The following ZNF280D variants were observed in gnomAD, a reference collection of about 807,000 sequenced individuals.
ZNF280D encodes suppressor of hairy wing homolog 4.
In ZNF280D, 39 loss-of-function variants were observed where a neutral mutation model predicts 94.7. The ratio of observed to expected loss-of-function variants is 0.41; its 90% confidence interval spans 0.32 to 0.54. The LOEUF is 0.54. Ranked by LOEUF, ZNF280D falls within the 20% of genes least tolerant of loss-of-function variation. ZNF280D has a pLI of 0.22. For synonymous variants in ZNF280D, 398 were observed against 377.6 expected, an observed-to-expected ratio of 1.05 and a Z score of -0.63; for missense variants, 1,090 against 1,149.3, an observed-to-expected ratio of 0.95 and a Z score of 0.75.
rs1215912968 is a variant in ZNF280D, at chr15:56,631,443, A to G, written c.*55T>C. On this transcript the variant is annotated 3_prime_UTR_variant, in exon 22 of 22. Coordinates refer to ENST00000267807, the MANE Select transcript of ZNF280D (RefSeq NM_017661.4). Reference sequence around the variant, plus strand: ...AACAGCACCACTGAGCTCACCTGATAGCACTGTTCCAAATGCCCTTATCGT... The same window carrying G: ...AACAGCACCACTGAGCTCACCTGATGGCACTGTTCCAAATGCCCTTATCGT... 1.9e-6 allele frequency: 3 copies of G among 1,572,592 alleles called. No individual in the cohort carries two copies. The highest frequency in any genetic ancestry group is 1.3e-5 in the African/African-American group (1 of 74,144).
intron 16 of ZNF280D, among the ~76,000 whole-genome samples, chr15:56,665,344 C>A (rs1008247729): frequency 1.2e-4 from 18 of 151,920 alleles, no homozygotes; most frequent in Admixed American, 2.6e-4. Flanking sequence ...ACAACTTTTG[C>A]CTACTTAAAA....
intron 9 of ZNF280D, among the ~76,000 whole-genome samples, chr15:56,686,845 G>C (rs1344023706): frequency 6.6e-6 from 1 of 151,990 alleles, no homozygotes; most frequent in Non-Finnish European, 1.5e-5. Context: ...TAATCTTAAA[G>C]AATTTTCTAA....
intron 1 of ZNF280D, among the ~76,000 whole-genome samples, chr15:56,722,778 C>A (rs554641094): frequency 6.6e-6 from 1 of 152,028 alleles, no homozygotes; most frequent in Non-Finnish European, 1.5e-5. Flanking sequence ...CACATGCACA[C>A]GTCTGTTTAT....
At chr15:56,662,790 C>T (rs2054030423) in intron 16 of ZNF280D, among the ~76,000 whole-genome samples, 1 of 146,294 alleles carries the variant, frequency 6.8e-6, no homozygotes, top group Admixed American at 6.9e-5. Flanking sequence ...TGCCACTGCA[C>T]TCTAGCCTGG....
At chr15:56,715,643 T>TTAAA (rs1229627388) in intron 1 of ZNF280D, among the ~76,000 whole-genome samples, 1 of 152,058 alleles carries the variant, frequency 6.6e-6, no homozygotes, top group African/African-American at 2.4e-5. Flanking sequence ...AATATGTTAA[T>TTAAA]TAAATAAATA....
intron 13 of ZNF280D, among the ~76,000 whole-genome samples, chr15:56,671,550 C>T (rs1209600156): frequency 1.3e-5 from 2 of 152,090 alleles, no homozygotes; most frequent in African/African-American, 4.8e-5. Flanking sequence ...TGTTCTTGTT[C>T]CAGTACCAAG....
At chr15:56,655,812 T>G (rs1444782170) in intron 17 of ZNF280D, among the ~76,000 whole-genome samples, 1 of 152,262 alleles carries the variant, frequency 6.6e-6, no homozygotes, top group African/African-American at 2.4e-5. Context: ...TAATTTCTTA[T>G]AAGAGTTAAG....
chr15:56,637,222 A>C (rs2052396005), intron 20 of ZNF280D, among the ~76,000 whole-genome samples: 1 of 150,516 alleles, frequency 6.6e-6, no homozygotes, highest in African/African-American at 2.4e-5. Flanking sequence ...CCAAGGCTGG[A>C]ACGTAGTGGC....
At chr15:56,637,857 T>C (rs1432738493) in intron 20 of ZNF280D, among the ~76,000 whole-genome samples, 1 of 152,154 alleles carries the variant, frequency 6.6e-6, no homozygotes. Context: ...AAAAAAACTT[T>C]ATTAAATCTC....
At chr15:56,730,056 A>T (rs546880481) in intron 1 of ZNF280D, 1 of 152,096 alleles carries the variant, frequency 6.6e-6, no homozygotes, top group South Asian at 2.1e-4. Flanking sequence ...AATTATACAT[A>T]ATAACGTAAA....
intron 13 of ZNF280D, among the ~76,000 whole-genome samples, chr15:56,669,891 TATATATATATA>T (rs2054602120): frequency 3.7e-4 from 3 of 8,152 alleles, no homozygotes; most frequent in African/African-American, 1.3e-3. Flanking sequence ...ATATATATTA[TATATATATATA>T]ATATATATAT....
intron 1 of ZNF280D, among the ~76,000 whole-genome samples, chr15:56,727,411 A>G (rs1380047182): frequency 6.6e-6 from 1 of 152,214 alleles, no homozygotes; most frequent in Non-Finnish European, 1.5e-5. Flanking sequence ...GTGAGCTGAG[A>G]TCACGCCATT....
chr15:56,701,252 T>C lies in ZNF280D; in HGVS notation c.176-14A>G. Reference sequence around the variant, plus strand: ...TGTTCAAAATATCTATAAAAGATTATATTTATTTTAAAATACATTGTTTGA... The same window carrying C: ...TGTTCAAAATATCTATAAAAGATTACATTTATTTTAAAATACATTGTTTGA... On this transcript the variant is annotated splice_polypyrimidine_tract_variant and intron_variant, in intron 4 of 21. Coordinates refer to ENST00000267807, the MANE Select transcript of ZNF280D (RefSeq NM_017661.4). 2.8e-6 allele frequency: 4 copies of C among 1,443,364 alleles called. No individual in the cohort carries two copies. The highest frequency in any genetic ancestry group is 2.4e-4 in the Middle Eastern group (1 of 4,092). 89.4% of individuals were successfully genotyped at this position (1,443,364 alleles called of 1,614,324 possible). A position where few individuals can be genotyped will look rare whatever the true frequency, so the allele number is the denominator to read the frequency against.
At chr15:56,652,546 A>G (rs2053268113) in intron 19 of ZNF280D, 2 of 751,708 alleles carry the variant, frequency 2.7e-6, no homozygotes, top group Admixed American at 1.3e-4. Context: ...ATCTATATTC[A>G]ATGTAACTAA....
chr15:56,686,890 T>C (rs1463657536), intron 9 of ZNF280D, among the ~76,000 whole-genome samples: 1 of 152,142 alleles, frequency 6.6e-6, no homozygotes, highest in African/African-American at 2.4e-5. Context: ...AGCTTAGTAC[T>C]GTGTCTGACA....
intron 6 of ZNF280D, among the ~76,000 whole-genome samples, chr15:56,694,511 A>G (rs2056629836): frequency 6.6e-6 from 1 of 152,208 alleles, no homozygotes; most frequent in Non-Finnish European, 1.5e-5. Context: ...GGCAAAGGAC[A>G]TAAACTGAGA....
At chr15:56,683,622 G>C (rs1257976569) in intron 9 of ZNF280D, among the ~76,000 whole-genome samples, 1 of 152,112 alleles carries the variant, frequency 6.6e-6, no homozygotes, top group African/African-American at 2.4e-5. Flanking sequence ...CCAGTACACA[G>C]ACCATGTTCT....
intron 4 of ZNF280D, 67 bp from the exon 5 acceptor site, chr15:56,701,305 T>G: frequency 8.9e-7 from 1 of 1,122,966 alleles, no homozygotes; most frequent in African/African-American, 1.6e-5. Flanking sequence ...ATAATAGAAA[T>G]CATGAATTGA....
intron 19 of ZNF280D, among the ~76,000 whole-genome samples, chr15:56,649,105 GA>G (rs1391110169): frequency 6.6e-6 from 1 of 151,792 alleles, no homozygotes; most frequent in Admixed American, 6.6e-5. Flanking sequence ...AAAACGTGAA[GA>G]AAAAAAATAA....
Sources: allele counts gnomAD v4.1 joint callset (sites outside exome capture counted in the v4.1 genomes callset), GRCh38; gene constraint gnomAD v4.1.1; transcripts MANE v1.5; gene names NCBI Gene and HGNC (gene_info 2026-07-23, HGNC 2026-07-21).